The following PRPF6 variants were observed in gnomAD, a reference collection of about 807,000 sequenced individuals.
PRPF6 encodes pre-mRNA-processing factor 6.
In PRPF6, 42 loss-of-function variants were observed where a neutral mutation model predicts 118.3. The ratio of observed to expected loss-of-function variants is 0.35; its 90% confidence interval spans 0.28 to 0.46. The LOEUF (loss-of-function observed/expected upper bound fraction) is 0.46. Ranked by LOEUF, PRPF6 falls within the 20% of genes least tolerant of loss-of-function variation. PRPF6 has a pLI of 1.00. For missense variants in PRPF6, 662 were observed against 1,255.7 expected, an observed-to-expected ratio of 0.53 and a Z score of 7.15; for synonymous variants, 481 against 485.1, an observed-to-expected ratio of 0.99 and a Z score of 0.11.
intron 13 of PRPF6, 75 bp downstream of exon 13, chr20:64,022,953 C>A: frequency 6.2e-7 from 1 of 1,605,374 alleles, no homozygotes; most frequent in Non-Finnish European, 8.5e-7. Context: ...TGAATTTAAA[C>A]CTCTCATGTC....
At position 64,001,628 on chromosome 20, in the gene PRPF6, C is replaced by T. The variant is rs570723428; in HGVS notation, c.1186+389C>T. Among the ~76,000 whole-genome samples the T allele has an allele frequency of 5.9e-5, 9 of 152,310 alleles. No individual in the cohort carries two copies. In the South Asian group the frequency reaches 8.3e-4, roughly 14 times the overall value. On this transcript the variant is annotated intron_variant, in intron 9 of 20. Transcript: ENST00000266079. ...AGCCGGCACCTGGCACGTGCAGACC[C>T]GTTGTGGGTGTTACTCATTTTCTCT...
At chr20:63,987,189 A>AAAG (rs1555916398) in intron 3 of PRPF6, among the ~76,000 whole-genome samples, 28 of 117,154 alleles carry the variant, frequency 2.4e-4, no homozygotes, top group East Asian at 5.3e-4. Context: ...AAAAAAAAAA[A>AAAG]GGGGGGGGGA....
At chr20:64,015,768 T>A (rs899912920) in intron 11 of PRPF6, among the ~76,000 whole-genome samples, 1 of 152,230 alleles carries the variant, frequency 6.6e-6, no homozygotes, top group Non-Finnish European at 1.5e-5. Context: ...AGTCAGCACA[T>A]GTTTCAATGT....
Position 64,033,084 on chromosome 20 carries a change from T to C in PRPF6, c.*91T>C. 6.4e-7 allele frequency: 1 copy of C among 1,570,680 alleles called. No individual in the cohort carries two copies. ...TGTGTCCTCCTTCATTAAAAGTTTT[T>C]ATGTCTCGTGTCAGAACAGGCAGCC... On this transcript the variant is annotated 3_prime_UTR_variant, in exon 21 of 21. Transcript: ENST00000266079.
At chr20:63,981,652 C>CG (rs1481135687) in intron 1 of PRPF6, among the ~76,000 whole-genome samples, 2 of 143,892 alleles carry the variant, frequency 1.4e-5, no homozygotes, top group South Asian at 2.4e-4. Context: ...CTCCCCCCCC[C>CG]CGCCCGCCCG....
At chr20:64,000,571 T>C (rs2059162218) in intron 8 of PRPF6, among the ~76,000 whole-genome samples, 1 of 130,886 alleles carries the variant, frequency 7.6e-6, no homozygotes, top group Admixed American at 7.3e-5. Flanking sequence ...TGGTGTTTCA[T>C]TTTTTTTTTT....
At chr20:64,031,562 A>G (rs1326951589) in intron 19 of PRPF6, among the ~76,000 whole-genome samples, 2 of 151,628 alleles carry the variant, frequency 1.3e-5, no homozygotes, top group African/African-American at 4.8e-5. Context: ...AATCCCAGCT[A>G]CTCAGGAGGC....
At chr20:64,002,261 T>C (rs370982659) in intron 9 of PRPF6, among the ~76,000 whole-genome samples, 16 of 152,054 alleles carry the variant, frequency 1.1e-4, no homozygotes, top group African/African-American at 3.9e-4. Context: ...GGCCTTGTGA[T>C]CTGCCTGCCT....
intron 13 of PRPF6, among the ~76,000 whole-genome samples, 194 bp downstream of exon 13, chr20:64,023,072 G>C (rs1002822112): frequency 3.9e-5 from 6 of 152,194 alleles, no homozygotes; most frequent in African/African-American, 1.4e-4. Flanking sequence ...CCCCTTCTGG[G>C]ACAGCAATGA....
In PRPF6 at chr20:64,026,229, G is replaced by A. The variant is rs1027799204; in HGVS notation, c.2028+171G>A. On this transcript the variant is annotated intron_variant, in intron 15 of 20. Coordinates refer to ENST00000266079, the MANE Select transcript of PRPF6 (RefSeq NM_012469.4). This position sits in a 1 kb window ranked among gnomAD's most constrained non-coding sequence, Gnocchi z 4.4. Reference sequence around the variant, plus strand: ...ATTCATGTGGCCGGGCGTGGTGGCCGGGCGCGGTGGCTCACGCCTGTAATC... The same window carrying A: ...ATTCATGTGGCCGGGCGTGGTGGCCAGGCGCGGTGGCTCACGCCTGTAATC... Among the ~76,000 whole-genome samples the A allele has an allele frequency of 4.6e-5, 7 of 151,738 alleles. No individual in the cohort carries two copies. Among genetic ancestry groups the A allele is most frequent in the South Asian group, 2.1e-4 (1 of 4,810 alleles).
At chr20:63,983,287 G>T in intron 2 of PRPF6, 72 bp downstream of exon 2, 1 of 1,589,832 alleles carries the variant, frequency 6.3e-7, no homozygotes. Context: ...AGTGTGTGTT[G>T]GTGTCTGTAA....
intron 12 of PRPF6, among the ~76,000 whole-genome samples, chr20:64,021,821 C>T (rs2059266886): frequency 7.0e-6 from 1 of 143,032 alleles, no homozygotes; most frequent in Non-Finnish European, 1.5e-5. Context: ...TATGCCTCGG[C>T]CACAGCCCTG....
chr20:64,001,959 G>T (rs569510204), intron 9 of PRPF6, among the ~76,000 whole-genome samples: 14 of 150,796 alleles, frequency 9.3e-5, no homozygotes, highest in Non-Finnish European at 1.5e-4. Context: ...GGGCTGTTCT[G>T]AAGCTAATCT....
At chr20:64,020,563 C>T (rs764154531) in intron 12 of PRPF6, among the ~76,000 whole-genome samples, 11 of 152,112 alleles carry the variant, frequency 7.2e-5, no homozygotes, top group Non-Finnish European at 1.0e-4. Flanking sequence ...GAGGCTTTAG[C>T]GCTGCAAATG....
chr20:63,993,232 G>A (rs1185706123), intron 3 of PRPF6, among the ~76,000 whole-genome samples, 175 bp from the exon 4 acceptor site: 2 of 126,548 alleles, frequency 1.6e-5, no homozygotes, highest in African/African-American at 6.5e-5. Context: ...AAAAATGTGT[G>A]TGTGTGTGTG....
At chr20:64,016,938 T>TA in intron 12 of PRPF6, 93 bp downstream of exon 12, 1 of 1,390,286 alleles carries the variant, frequency 7.2e-7, no homozygotes, top group Non-Finnish European at 9.9e-7. Flanking sequence ...ATTTTAAAAC[T>TA]CTTTTTTTTT....
intron 3 of PRPF6, among the ~76,000 whole-genome samples, 181 bp from the exon 4 acceptor site, chr20:63,993,226 A>ATATGTGTGTG (rs1491434197): frequency 7.7e-6 from 1 of 129,298 alleles, no homozygotes; most frequent in African/African-American, 2.9e-5. Flanking sequence ...AAAAAAAAAA[A>ATATGTGTGTG]TGTGTGTGTG....
chr20:64,009,279 CAAAA>C (rs59045216), intron 9 of PRPF6, among the ~76,000 whole-genome samples: 9 of 38,230 alleles, frequency 2.4e-4, no homozygotes, highest in East Asian at 9.3e-4. Context: ...GACTCCATCG[CAAAA>C]AAAAAAAAAA....
At chr20:63,986,405 A>G (rs1454376003) in intron 3 of PRPF6, among the ~76,000 whole-genome samples, 1 of 151,976 alleles carries the variant, frequency 6.6e-6, no homozygotes, top group Non-Finnish European at 1.5e-5. Flanking sequence ...CCCAGGGGAT[A>G]CAAGTGCAAG....
Sources: allele counts gnomAD v4.1 joint callset (sites outside exome capture counted in the v4.1 genomes callset), GRCh38; gene constraint gnomAD v4.1.1; non-coding constraint Gnocchi (gnomAD v3.1); transcripts MANE v1.5; gene names NCBI Gene and HGNC (gene_info 2026-07-23, HGNC 2026-07-21).